The following HS3ST4 variants were observed in gnomAD, a reference collection of about 807,000 sequenced individuals.
The protein encoded by HS3ST4 is heparan sulfate-glucosamine 3-sulfotransferase 4, also known as heparan sulfate glucosamine 3-O-sulfotransferase 4.
Under a neutral mutation model 29.2 loss-of-function variants are expected in HS3ST4, and 17 were observed. The observed-to-expected ratio is 0.58, with a 90% confidence interval of 0.40 to 0.87. The LOEUF is 0.87. Among genes scored for constraint, HS3ST4 ranks in the 40% least tolerant of loss-of-function variants. The pLI is 0.00. For synonymous variants in HS3ST4, 314 were observed against 285.7 expected (o/e 1.10, Z -1.00); for missense variants, 627 against 634.5 (o/e 0.99, Z 0.13).
chr16:25,803,947 C>A (rs1467113052), intron 1 of HS3ST4, among the ~76,000 whole-genome samples: 1 of 152,038 alleles, frequency 6.6e-6, no homozygotes, highest in Non-Finnish European at 1.5e-5. Context: ...TCCCCCTCCC[C>A]CTCTCCTTCC....
intron 1 of HS3ST4, among the ~76,000 whole-genome samples, chr16:25,734,288 C>T (rs913423382): frequency 2.0e-5 from 3 of 152,138 alleles, no homozygotes; most frequent in African/African-American, 7.2e-5. Context: ...TTTACATTGC[C>T]ACAAGTATGT....
intron 1 of HS3ST4, among the ~76,000 whole-genome samples, chr16:25,723,884 AG>A (rs1009416694): frequency 5.9e-5 from 9 of 152,186 alleles, no homozygotes; most frequent in Non-Finnish European, 8.8e-5. Context: ...GAGGCCGAGG[AG>A]GGTGGATCAC....
chr16:25,851,647 A>G (rs1457333183), intron 1 of HS3ST4, among the ~76,000 whole-genome samples: 1 of 152,152 alleles, frequency 6.6e-6, no homozygotes, highest in African/African-American at 2.4e-5. Context: ...CAGCTAGAGA[A>G]CTTGGATATA....
At chr16:25,909,185 CT>C (rs1567270129) in intron 1 of HS3ST4, among the ~76,000 whole-genome samples, 1 of 152,082 alleles carries the variant, frequency 6.6e-6, no homozygotes, top group African/African-American at 2.4e-5. Context: ...TTCTGCATTT[CT>C]TTTTCTTTTT....
chr16:25,925,879 G>A (rs1024060148), intron 1 of HS3ST4, among the ~76,000 whole-genome samples: 1 of 152,030 alleles, frequency 6.6e-6, no homozygotes, highest in African/African-American at 2.4e-5. Flanking sequence ...TTCACAACTT[G>A]TGTCTCTCCT....
chr16:25,844,141 G>C (rs1484305770), intron 1 of HS3ST4, among the ~76,000 whole-genome samples: 1 of 152,086 alleles, frequency 6.6e-6, no homozygotes, highest in Non-Finnish European at 1.5e-5. Context: ...TAAAATAGAA[G>C]TATAAAAACA....
intron 1 of HS3ST4, among the ~76,000 whole-genome samples, chr16:25,774,781 T>C (rs1221915175): frequency 6.6e-6 from 1 of 152,210 alleles, no homozygotes; most frequent in Non-Finnish European, 1.5e-5. Context: ...GATCTATTAG[T>C]TGTGTAGTTT....
chr16:25,703,519 G>A (rs1231671543), intron 1 of HS3ST4, among the ~76,000 whole-genome samples: 1 of 152,242 alleles, frequency 6.6e-6, no homozygotes, highest in Non-Finnish European at 1.5e-5. Context: ...TCAAACCTAG[G>A]TGTATGGCCT....
At chr16:25,862,608 G>C (rs1050090123) in intron 1 of HS3ST4, among the ~76,000 whole-genome samples, 5 of 152,232 alleles carry the variant, frequency 3.3e-5, no homozygotes, top group African/African-American at 1.2e-4. Context: ...TCTGCAAACA[G>C]TTATTGGTCC....
At chr16:25,860,930 G>A (rs548390978) in intron 1 of HS3ST4, among the ~76,000 whole-genome samples, 1 of 152,258 alleles carries the variant, frequency 6.6e-6, no homozygotes, top group South Asian at 2.1e-4. Context: ...ATGCTGCTGG[G>A]GGATGCTGAT....
At chr16:25,992,569 A>G (rs1969123867) in intron 1 of HS3ST4, among the ~76,000 whole-genome samples, 2 of 152,220 alleles carry the variant, frequency 1.3e-5, no homozygotes, top group South Asian at 4.1e-4. Flanking sequence ...TTCTGCACAT[A>G]TTCAAAATAT....
intron 1 of HS3ST4, chr16:26,062,869 A>T (rs2141771911): frequency 3.7e-6 from 1 of 271,712 alleles, no homozygotes; most frequent in East Asian, 9.3e-5. Context: ...CTTTCACTAC[A>T]TATTCTGGCA....
intron 1 of HS3ST4, among the ~76,000 whole-genome samples, chr16:25,973,703 C>T (rs964026383): frequency 6.6e-6 from 1 of 152,192 alleles, no homozygotes; most frequent in Non-Finnish European, 1.5e-5. Flanking sequence ...GACAATTACA[C>T]ACATGTGCCC....
intron 1 of HS3ST4, among the ~76,000 whole-genome samples, chr16:25,744,074 A>G (rs1966671082): frequency 1.3e-5 from 2 of 152,232 alleles, no homozygotes; most frequent in Non-Finnish European, 2.9e-5. Flanking sequence ...TGAAGTGTTC[A>G]GGAATGAATT....
At position 25,768,207 on chromosome 16, in the gene HS3ST4, C is replaced by T. The variant is rs1966833671; in HGVS notation, c.734+75056C>T. 3.3e-5 allele frequency among the ~76,000 whole-genome samples: 5 copies of T among 152,182 alleles called. No homozygotes were observed. In the South Asian group the frequency reaches 1.0e-3, roughly 32 times the overall value. The stretch of plus-strand genomic sequence containing the variant: ...CATTTGTGCCACTTCTGTCTTTTCT[C>T]CCCAATGCATGTCTAAATCAATATG... On this transcript the variant is annotated intron_variant, in intron 1 of 1. Transcript: ENST00000331351.
chr16:25,902,115 C>A (rs533682623), intron 1 of HS3ST4, among the ~76,000 whole-genome samples: 17 of 152,236 alleles, frequency 1.1e-4, no homozygotes, highest in African/African-American at 4.1e-4. Context: ...CCTACTCCTG[C>A]CCCCAACCAA....
At chr16:25,704,978 TGCC>T (rs1322365915) in intron 1 of HS3ST4, among the ~76,000 whole-genome samples, 1 of 152,058 alleles carries the variant, frequency 6.6e-6, no homozygotes, top group East Asian at 1.9e-4. Flanking sequence ...AGCTGAGGCT[TGCC>T]GAGGTGCTGG....
chr16:25,951,429 A>G (rs547911480), intron 1 of HS3ST4, among the ~76,000 whole-genome samples: 2 of 152,356 alleles, frequency 1.3e-5, no homozygotes, highest in East Asian at 3.9e-4. Context: ...TATGAAATGG[A>G]GATAATAATA....
intron 1 of HS3ST4, among the ~76,000 whole-genome samples, chr16:25,779,729 T>C (rs1477992007): frequency 6.6e-6 from 1 of 152,222 alleles, no homozygotes; most frequent in Non-Finnish European, 1.5e-5. Flanking sequence ...AAATTCTTTT[T>C]TCCACCAAGC....
Sources: gnomAD v4.1 joint callset for allele counts (sites outside exome capture counted in the v4.1 genomes callset) on GRCh38, gnomAD v4.1.1 for gene constraint, MANE v1.5 for transcripts, NCBI Gene and HGNC (gene_info 2026-07-23, HGNC 2026-07-21) for gene names.